Variants in DMD observed in about 807,000 individuals in gnomAD.
DMD encodes dystrophin.
Under a neutral mutation model 330.1 loss-of-function variants are expected in DMD, and 63 were observed. That is an observed-to-expected ratio of 0.19 (90% CI 0.16 to 0.24). DMD has a LOEUF of 0.24. DMD is among the 10% of genes least tolerant of loss of function. The pLI is 1.00. For missense variants in DMD, 3,344 were observed against 2,684.1 expected, an observed-to-expected ratio of 1.25 and a Z score of -5.43; for synonymous variants, 1,223 against 959.8, an observed-to-expected ratio of 1.27 and a Z score of -5.07.
At chrX:33,037,362 C>T (rs1020872812) in intron 1 of DMD, among the ~76,000 whole-genome samples, 1 of 77,911 alleles carries the variant, frequency 1.3e-5, no homozygotes. Flanking sequence ...TGAAACTATA[C>T]AGGAAAAAAA....
At chrX:33,011,253 T>A (rs911178398) in intron 2 of DMD, among the ~76,000 whole-genome samples, 1 of 111,639 alleles carries the variant, frequency 9.0e-6, no homozygotes. Flanking sequence ...TATCTTATTG[T>A]TGGCTCAACC....
At chrX:32,913,796 ATAAT>A (rs1400573641) in intron 2 of DMD, among the ~76,000 whole-genome samples, 1 of 112,261 alleles carries the variant, frequency 8.9e-6, no homozygotes, top group Non-Finnish European at 1.9e-5. Context: ...TCCCTGAGAA[ATAAT>A]TAATGAGGCA....
chrX:31,150,800 T>C (rs944868770), intron 74 of DMD, among the ~76,000 whole-genome samples: 4 of 112,299 alleles, frequency 3.6e-5, no homozygotes, highest in Non-Finnish European at 7.5e-5. Flanking sequence ...GATCTCCACA[T>C]GGAAGCAGAA....
intron 34 of DMD, among the ~76,000 whole-genome samples, chrX:32,379,326 G>A (rs1027086572): frequency 3.6e-5 from 4 of 109,650 alleles, no homozygotes; most frequent in Non-Finnish European, 7.6e-5. Flanking sequence ...TTCTATATGA[G>A]AAGGATAACC....
rs375713010 is a variant in DMD at position 33,090,315 on chromosome X, C to T, written c.32-70115G>A. Among the ~76,000 whole-genome samples the T allele has an allele frequency of 2.6e-4, 28 of 108,663 alleles. No individual in the cohort carries two copies. The South Asian group carries it at 0.011, about 42-fold the overall frequency. The allele number at this position is 108,663 out of a possible 115,157, so 94.4% of individuals were successfully genotyped here. On this transcript the variant is annotated intron_variant, in intron 1 of 78. Coordinates refer to ENST00000357033, the MANE Select transcript of DMD (RefSeq NM_004006.3). ...ATTTACCCACAGCTACAAATATAGT[C>T]TATGTGAGTTTCATATTAAATGATA... is the stretch of plus-strand genomic sequence containing the variant.
At chrX:32,703,072 C>A (rs897603870) in intron 7 of DMD, among the ~76,000 whole-genome samples, 2 of 111,301 alleles carry the variant, frequency 1.8e-5, no homozygotes, top group Non-Finnish European at 3.8e-5. Flanking sequence ...TGAAACTTTG[C>A]CAGAGTGGAT....
chrX:32,907,099 T>G (rs1218197833), intron 2 of DMD, among the ~76,000 whole-genome samples: 1 of 111,901 alleles, frequency 8.9e-6, no homozygotes, highest in Non-Finnish European at 1.9e-5. Flanking sequence ...CATGAGAAAA[T>G]ACCCTATTGA....
intron 2 of DMD, among the ~76,000 whole-genome samples, chrX:32,899,840 A>G (rs2086082544): frequency 8.9e-6 from 1 of 111,915 alleles, no homozygotes; most frequent in Admixed American, 9.5e-5. Flanking sequence ...TATTCTCAGT[A>G]AAGTAAGAGT....
intron 9 of DMD, among the ~76,000 whole-genome samples, chrX:32,679,336 G>GT (rs781595657): frequency 0.011 from 1,222 of 108,886 alleles, 15 homozygotes; most frequent in African/African-American, 0.038. Flanking sequence ...ACGAGGTTTT[G>GT]GTTTTTTTTT....
intron 9 of DMD, among the ~76,000 whole-genome samples, chrX:32,655,692 CT>C (rs2060514346): frequency 9.0e-6 from 1 of 111,365 alleles, no homozygotes; most frequent in Non-Finnish European, 1.9e-5. Context: ...CTTGGATATC[CT>C]TGTTGACATT....
chrX:31,538,891 T>C (rs1264426239), intron 55 of DMD, among the ~76,000 whole-genome samples: 2 of 111,028 alleles, frequency 1.8e-5, no homozygotes, highest in Non-Finnish European at 3.8e-5. Context: ...TCATGAGTTG[T>C]ATGTTTCACA....
chrX:33,002,850 G>GAAAAAAAAAAAAA (rs145168802), intron 2 of DMD, among the ~76,000 whole-genome samples: 38 of 38,717 alleles, frequency 9.8e-4, no homozygotes, highest in Admixed American at 2.2e-3. Context: ...TTTTTTTCTC[G>GAAAAAAAAAAAAA]AAAAAAAAAA....
intron 1 of DMD, among the ~76,000 whole-genome samples, chrX:33,172,226 C>A (rs868210613): frequency 3.6e-5 from 4 of 110,968 alleles, no homozygotes; most frequent in Non-Finnish European, 5.7e-5. Flanking sequence ...CATAATTCCC[C>A]GCCATACTTT....
At chrX:33,143,181 A>G (rs1040751480) in intron 1 of DMD, among the ~76,000 whole-genome samples, 1 of 111,350 alleles carries the variant, frequency 9.0e-6, no homozygotes, top group African/African-American at 3.3e-5. Flanking sequence ...ATTTTTATAT[A>G]TATTAACTAG....
chrX:32,036,425 G>A (rs1052705554), intron 44 of DMD, among the ~76,000 whole-genome samples: 13 of 111,629 alleles, frequency 1.2e-4, no homozygotes, highest in Admixed American at 8.6e-4. Flanking sequence ...ATGTAAGAAC[G>A]TATTTAACAA....
intron 44 of DMD, among the ~76,000 whole-genome samples, chrX:32,038,548 G>A (rs776816421): frequency 8.1e-5 from 9 of 111,182 alleles, no homozygotes; most frequent in Non-Finnish European, 1.5e-4. Flanking sequence ...TAGAGGGATA[G>A]ACAGAGTTCC....
chrX:32,586,531 T>C (rs893367629), intron 13 of DMD, among the ~76,000 whole-genome samples: 7 of 109,691 alleles, frequency 6.4e-5, no homozygotes, highest in East Asian at 2.9e-4. Flanking sequence ...TATATATGAA[T>C]AGATATTGCA....
rs1381873948 is a variant in DMD, at chrX:31,120,165, A to ATGAT, written c.*1750_*1753dup. On this transcript the variant is annotated 3_prime_UTR_variant, in exon 79 of 79. Transcript: ENST00000357033. ...TCACACGGTGGTATCTATTGAATGAATGATTTAAAAATCAAAAAGAAATAA... is the reference window on the plus strand; with the variant it reads ...TCACACGGTGGTATCTATTGAATGAATGATTGATTTAAAAATCAAAAAGAAATAA... 2.7e-5 allele frequency: 3 copies of ATGAT among 111,441 alleles called. No individual in the cohort carries two copies. Among genetic ancestry groups the ATGAT allele is most frequent in the African/African-American group, 3.2e-5 (1 of 30,785 alleles). 9.2% of individuals were successfully genotyped at this position (111,441 alleles called of 1,213,427 possible).
chrX:32,694,674 G>A (rs1271415871), intron 9 of DMD, among the ~76,000 whole-genome samples: 1 of 111,495 alleles, frequency 9.0e-6, no homozygotes, highest in Non-Finnish European at 1.9e-5. Flanking sequence ...ATGTATTTTT[G>A]AGACAGAGTT....
Sources: gnomAD v4.1 joint callset for allele counts (sites outside exome capture counted in the v4.1 genomes callset) on GRCh38, gnomAD v4.1.1 for gene constraint, MANE v1.5 for transcripts, NCBI Gene and HGNC (gene_info 2026-07-23, HGNC 2026-07-21) for gene names.